The following TMEM132D variants were observed in gnomAD, a reference collection of about 807,000 sequenced individuals.
TMEM132D encodes transmembrane protein 132D, also known as mature OL transmembrane protein.
Under a neutral mutation model 62.3 loss-of-function variants are expected in TMEM132D, and 21 were observed. The observed-to-expected ratio is 0.34, with a 90% CI of 0.24 to 0.49. The LOEUF is 0.49. Ranked by LOEUF, TMEM132D falls within the 20% of genes least tolerant of loss-of-function variation. The pLI, the probability that TMEM132D is intolerant of heterozygous loss-of-function variation, is 0.99. For missense variants in TMEM132D, 1,346 were observed against 1,402.8 expected, an observed-to-expected ratio of 0.96 and a Z score of 0.65; for synonymous variants, 621 against 575.6, an observed-to-expected ratio of 1.08 and a Z score of -1.13.
At chr12:129,809,550 T>C (rs1007331768) in intron 1 of TMEM132D, among the ~76,000 whole-genome samples, 1 of 152,142 alleles carries the variant, frequency 6.6e-6, no homozygotes, top group Admixed American at 6.6e-5. Context: ...AGCTTTGCGC[T>C]AAGATTTAGC....
At chr12:129,200,233 A>T (rs1405696111) in intron 5 of TMEM132D, among the ~76,000 whole-genome samples, 1 of 152,172 alleles carries the variant, frequency 6.6e-6, no homozygotes, top group Non-Finnish European at 1.5e-5. Flanking sequence ...ATTACTATCA[A>T]AATGACCACC....
chr12:129,538,497 C>T lies in TMEM132D; in HGVS notation c.969-7292G>A, dbSNP rs7307945. On this transcript the variant is annotated intron_variant, in intron 2 of 8. Coordinates refer to ENST00000422113, the MANE Select transcript of TMEM132D (RefSeq NM_133448.3). ...CCACTCTATCCTTGGAGGATACAGTCCAAGACCCCCAGTGGATGTATGAAA... is the reference window on the plus strand; with the variant it reads ...CCACTCTATCCTTGGAGGATACAGTTCAAGACCCCCAGTGGATGTATGAAA... Among the ~76,000 whole-genome samples the T allele has an allele frequency of 5.7e-3, 873 of 152,256 alleles. 15 individuals are homozygous for T. Among genetic ancestry groups the T allele is most frequent in the African/African-American group, 0.02 (833 of 41,556 alleles).
intron 5 of TMEM132D, among the ~76,000 whole-genome samples, chr12:129,167,723 A>G (rs548559047): frequency 1.1e-4 from 17 of 151,966 alleles, no homozygotes; most frequent in Non-Finnish European, 1.9e-4. Context: ...ATGTACATCT[A>G]TTTAATATTA....
intron 3 of TMEM132D, among the ~76,000 whole-genome samples, chr12:129,486,566 G>T (rs754574363): frequency 3.9e-5 from 6 of 152,126 alleles, no homozygotes; most frequent in Non-Finnish European, 7.3e-5. Context: ...AGATAATAAT[G>T]ATAGTAATAA....
intron 1 of TMEM132D, among the ~76,000 whole-genome samples, chr12:129,788,957 T>C (rs1421185896): frequency 1.3e-5 from 2 of 152,074 alleles, no homozygotes; most frequent in Non-Finnish European, 2.9e-5. Context: ...ACAGGAGATG[T>C]CAGAGAGAGG....
chr12:129,831,176 C>A (rs561702139), intron 1 of TMEM132D, among the ~76,000 whole-genome samples: 44 of 152,296 alleles, frequency 2.9e-4, no homozygotes, highest in African/African-American at 1.1e-3. Flanking sequence ...GGGACCCAGC[C>A]CACTCACCAG....
At chr12:129,899,471 G>T (rs1235096969) in intron 1 of TMEM132D, among the ~76,000 whole-genome samples, 1 of 151,006 alleles carries the variant, frequency 6.6e-6, no homozygotes, top group Non-Finnish European at 1.5e-5. Flanking sequence ...GGATGGACTG[G>T]TGGATGGATG....
At chr12:129,222,177 G>T (rs935222387) in intron 4 of TMEM132D, among the ~76,000 whole-genome samples, 2 of 152,152 alleles carry the variant, frequency 1.3e-5, no homozygotes, top group African/African-American at 4.8e-5. Flanking sequence ...TTATGCTGCA[G>T]ATCCCACATG....
intron 3 of TMEM132D, among the ~76,000 whole-genome samples, chr12:129,483,211 C>G (rs1874481632): frequency 6.6e-6 from 1 of 152,160 alleles, no homozygotes; most frequent in African/African-American, 2.4e-5. Flanking sequence ...AGAATCTGGC[C>G]AAATTTGTGC....
intron 5 of TMEM132D, among the ~76,000 whole-genome samples, chr12:129,199,102 CTTTTTTTTTTTTT>C (rs58775767): frequency 2.2e-4 from 21 of 95,830 alleles, no homozygotes; most frequent in African/African-American, 4.9e-4. Flanking sequence ...GTCCATCTAC[CTTTTTTTTTTTTT>C]TTTTTTTTTT....
intron 1 of TMEM132D, among the ~76,000 whole-genome samples, chr12:129,707,174 AC>A (rs1881525901): frequency 6.7e-6 from 1 of 148,192 alleles, no homozygotes; most frequent in African/African-American, 2.4e-5. Flanking sequence ...TATAATATAT[AC>A]TATATCTATA....
chr12:129,326,911 T>G lies in TMEM132D; in HGVS notation c.1299+10723A>C, dbSNP rs537455070. Among the ~76,000 whole-genome samples, 4 of 152,196 alleles carry G rather than the reference T, an allele frequency of 2.6e-5. No homozygotes were observed. In the South Asian group the frequency reaches 6.2e-4, roughly 24 times the overall value. On this transcript the variant is annotated intron_variant, in intron 4 of 8. Coordinates refer to ENST00000422113, the MANE Select transcript of TMEM132D (RefSeq NM_133448.3). The stretch of plus-strand genomic sequence containing the variant: ...TAATAGGTACTCAAATACATAAATT[T>G]TGGGGGCAGGAACAGCACCGTAAGT...
At chr12:129,659,062 G>A (rs1045305605) in intron 2 of TMEM132D, among the ~76,000 whole-genome samples, 2 of 141,776 alleles carry the variant, frequency 1.4e-5, no homozygotes, top group Non-Finnish European at 3.1e-5. Context: ...AACAATACAT[G>A]GCTAATTTTT....
chr12:129,541,682 A>G (rs1876586802), intron 2 of TMEM132D, among the ~76,000 whole-genome samples: 1 of 152,176 alleles, frequency 6.6e-6, no homozygotes, highest in Admixed American at 6.5e-5. Context: ...CATTCTTCGC[A>G]TGTCACTGAG....
Position 129,595,690 on chromosome 12 carries a change from G to C in TMEM132D, c.969-64485C>G, listed in dbSNP as rs1233725864. ...CTATGGCTGTAAGAAGAACATCAAA[G>C]GGTAGCCTTCTGACCCTGGGGGCCA... is the stretch of plus-strand genomic sequence containing the variant. On this transcript the variant is annotated intron_variant, in intron 2 of 8. Transcript: ENST00000422113. Among the ~76,000 whole-genome samples the C allele has an allele frequency of 2.0e-5, 3 of 152,308 alleles. No homozygotes were observed. The East Asian group carries it at 5.8e-4, about 29-fold the overall frequency.
At chr12:129,409,199 C>T (rs1374072471) in intron 3 of TMEM132D, among the ~76,000 whole-genome samples, 3 of 152,180 alleles carry the variant, frequency 2.0e-5, no homozygotes, top group Non-Finnish European at 4.4e-5. Context: ...TCCCAAAGTG[C>T]TGGGATTACA....
intron 4 of TMEM132D, among the ~76,000 whole-genome samples, chr12:129,290,049 T>G (rs1881408262): frequency 6.6e-6 from 1 of 152,246 alleles, no homozygotes; most frequent in African/African-American, 2.4e-5. Context: ...GTTTATTTCC[T>G]GGTTTTGATC....
At chr12:129,150,351 C>T (rs765872145) in intron 5 of TMEM132D, among the ~76,000 whole-genome samples, 1 of 152,204 alleles carries the variant, frequency 6.6e-6, no homozygotes, top group Non-Finnish European at 1.5e-5. Context: ...CCAACACTCA[C>T]TGGGGACTCT....
chr12:129,831,876 C>CTTTTTTTTTTTTTTT (rs71085576), intron 1 of TMEM132D, among the ~76,000 whole-genome samples: 1 of 134,898 alleles, frequency 7.4e-6, no homozygotes, highest in Non-Finnish European at 1.5e-5. Context: ...CTTTCTTTTT[C>CTTTTTTTTTTTTTTT]TTTTTTTTTT....
Sources: gnomAD v4.1 joint callset for allele counts (sites outside exome capture counted in the v4.1 genomes callset) on GRCh38, gnomAD v4.1.1 for gene constraint, MANE v1.5 for transcripts, NCBI Gene and HGNC (gene_info 2026-07-23, HGNC 2026-07-21) for gene names.